The following CCDC175 variants were observed in gnomAD, a reference collection of about 807,000 sequenced individuals.
CCDC175 encodes the protein coiled-coil domain containing 175.
CCDC175 carries 100 observed loss-of-function variants against 114.6 expected under a neutral mutation model. That is an observed-to-expected ratio of 0.87 (90% CI 0.74 to 1.03). The LOEUF (loss-of-function observed/expected upper bound fraction) is 1.03. Among genes scored for constraint, CCDC175 ranks in the 50% least tolerant of loss-of-function variants. CCDC175 has a pLI of 0.00. For missense variants in CCDC175, 880 were observed against 917.8 expected (o/e 0.96, Z 0.53); for synonymous variants, 306 against 308.7 (o/e 0.99, Z 0.09).
intron 14 of CCDC175, among the ~76,000 whole-genome samples, chr14:59,530,615 T>A (rs909996146): frequency 1.3e-5 from 2 of 151,924 alleles, no homozygotes; most frequent in African/African-American, 4.8e-5. Flanking sequence ...ATCTGAGGAG[T>A]GGGTACCAGG....
Position 59,576,808 on chromosome 14 carries a change from G to A in CCDC175, c.-33C>T, listed in dbSNP as rs1162175583. On this transcript the variant is annotated 5_prime_UTR_variant, in exon 1 of 20. Coordinates refer to ENST00000537690, the MANE Select transcript of CCDC175 (RefSeq NM_001164399.2). ...CTCTACTTGAGCGCCTCCTAAGCCA[G>A]AGCCAAGGATTGCCGGTTGCCACGG... is the stretch of plus-strand genomic sequence containing the variant. 3.6e-6 allele frequency: 5 copies of A among 1,398,484 alleles called. No individual in the cohort carries two copies. The highest frequency in any genetic ancestry group is 1.5e-5 in the African/African-American group (1 of 65,824). 86.6% of individuals were successfully genotyped at this position (1,398,484 alleles called of 1,614,324 possible).
chr14:59,548,107 A>G (rs1456518854), intron 8 of CCDC175, among the ~76,000 whole-genome samples: 1 of 152,226 alleles, frequency 6.6e-6, no homozygotes, highest in African/African-American at 2.4e-5. Flanking sequence ...ACAATTGAAT[A>G]TATTCAGCCT....
intron 1 of CCDC175, among the ~76,000 whole-genome samples, chr14:59,575,870 C>A (rs1038028240): frequency 2.0e-5 from 3 of 152,014 alleles, no homozygotes; most frequent in African/African-American, 7.3e-5. Flanking sequence ...ATTAACCTAG[C>A]GCATTTAAGA....
chr14:59,559,630 G>T (rs1896116603), intron 7 of CCDC175, among the ~76,000 whole-genome samples: 1 of 152,010 alleles, frequency 6.6e-6, no homozygotes, highest in Non-Finnish European at 1.5e-5. Context: ...CCACCAAGCG[G>T]GAACTAGGTT....
chr14:59,515,025 G>T (rs191389656), intron 17 of CCDC175, among the ~76,000 whole-genome samples: 2 of 152,238 alleles, frequency 1.3e-5, no homozygotes, highest in African/African-American at 4.8e-5. Flanking sequence ...CATTCTTAAA[G>T]AAAAGAATTT....
At chr14:59,555,519 G>C (rs1895834155) in intron 7 of CCDC175, among the ~76,000 whole-genome samples, 1 of 152,124 alleles carries the variant, frequency 6.6e-6, no homozygotes, top group Non-Finnish European at 1.5e-5. Flanking sequence ...TACTGAATGG[G>C]CAAAAACTGG....
chr14:59,567,060 A>T (rs1013016530), intron 4 of CCDC175, among the ~76,000 whole-genome samples: 1 of 152,192 alleles, frequency 6.6e-6, no homozygotes, highest in Admixed American at 6.5e-5. Context: ...CCTCCAGATG[A>T]TTCTGATGCA....
At chr14:59,567,193 G>C (rs1566637610) in intron 4 of CCDC175, among the ~76,000 whole-genome samples, 1 of 152,324 alleles carries the variant, frequency 6.6e-6, no homozygotes, top group East Asian at 1.9e-4. Flanking sequence ...TTATGTAGCA[G>C]GCTCTGGCCA....
At chr14:59,524,755 A>G (rs1893644035) in intron 16 of CCDC175, among the ~76,000 whole-genome samples, 1 of 152,232 alleles carries the variant, frequency 6.6e-6, no homozygotes, top group African/African-American at 2.4e-5. Context: ...CCAAAAAAAC[A>G]TGAACTAGAA....
At chr14:59,545,105 C>T in intron 9 of CCDC175, 58 bp downstream of exon 9, 1 of 1,465,232 alleles carries the variant, frequency 6.8e-7, no homozygotes, top group Non-Finnish European at 9.0e-7. Flanking sequence ...ACTTTGATAG[C>T]AAGAAAAGCA....
intron 9 of CCDC175, among the ~76,000 whole-genome samples, chr14:59,543,655 C>T (rs904773319): frequency 6.6e-6 from 1 of 151,966 alleles, no homozygotes; most frequent in Non-Finnish European, 1.5e-5. Context: ...AATTTTTTCC[C>T]AGCTGATTTT....
chr14:59,519,437 C>G (rs1469403823), intron 17 of CCDC175, among the ~76,000 whole-genome samples: 1 of 151,930 alleles, frequency 6.6e-6, no homozygotes, highest in Non-Finnish European at 1.5e-5. Context: ...AGGCAGGAAA[C>G]AAAAAGTACT....
chr14:59,563,883 C>A, intron 5 of CCDC175, 24 bp from the exon 6 acceptor site: 2 of 1,355,276 alleles, frequency 1.5e-6, no homozygotes, highest in South Asian at 3.7e-5. Flanking sequence ...CATAAGAAAC[C>A]AATTTAAAAA....
intron 8 of CCDC175, among the ~76,000 whole-genome samples, chr14:59,548,542 T>C (rs1236771260): frequency 6.6e-6 from 1 of 152,198 alleles, no homozygotes; most frequent in Non-Finnish European, 1.5e-5. Flanking sequence ...GCCATGCCAG[T>C]TTAGGGGTCC....
intron 14 of CCDC175, among the ~76,000 whole-genome samples, chr14:59,529,241 C>A (rs570005487): frequency 6.6e-6 from 1 of 152,324 alleles, no homozygotes; most frequent in South Asian, 2.1e-4. Flanking sequence ...ACACCACTGG[C>A]TGGCAGCATT....
Position 59,568,320 on chromosome 14 carries a change from A to G in CCDC175, c.416T>C (p.Ile139Thr), listed in dbSNP as rs539872383. ...CTCTATTTCATTCTCTGTCCTTGTA[A>G]TTCTCATTTTTATTGTATTTATCTC... ...LFEINTIKMR[I>T]TRTENEIELL... Residue 139 changes from isoleucine to threonine, a missense_variant, in exon 4 of 20, where the codon ATT (isoleucine) becomes ACT (threonine). Ile to Thr is a moderately conservative substitution (Grantham distance 89). Transcript: ENST00000537690. 110 of 1,532,804 alleles carry G rather than the reference A, an allele frequency of 7.2e-5. 1 individual carries two copies. The South Asian group carries it at 1.2e-3, about 17-fold the overall frequency. 95.0% of individuals were successfully genotyped at this position (1,532,804 alleles called of 1,614,324 possible). A position where few individuals can be genotyped will look rare whatever the true frequency, so the allele number is the denominator to read the frequency against.
At chr14:59,530,387 C>A (rs1258161670) in intron 14 of CCDC175, among the ~76,000 whole-genome samples, 2 of 106,942 alleles carry the variant, frequency 1.9e-5, no homozygotes, top group Admixed American at 1.3e-4. Flanking sequence ...AGAAAGAAAG[C>A]AAAAAAGAAA....
At chr14:59,527,053 CTAA>C in intron 15 of CCDC175, 39 bp downstream of exon 15, 3 of 1,094,406 alleles carry the variant, frequency 2.7e-6, no homozygotes, top group South Asian at 3.2e-5. Flanking sequence ...TACCACTATT[CTAA>C]TAATAATAAA....
intron 13 of CCDC175, 24 bp downstream of exon 13, chr14:59,537,999 T>G (rs1169171691): frequency 1.3e-6 from 2 of 1,487,200 alleles, no homozygotes; most frequent in Non-Finnish European, 1.8e-6. Flanking sequence ...CCAAAAGTAT[T>G]CTTAGATGCA....
Sources: gnomAD v4.1 joint callset for allele counts (sites outside exome capture counted in the v4.1 genomes callset) on GRCh38, gnomAD v4.1.1 for gene constraint, MANE v1.5 for transcripts, NCBI Gene and HGNC (gene_info 2026-07-23, HGNC 2026-07-21) for gene names.